The following CLVS1 variants were observed in gnomAD, a reference collection of about 807,000 sequenced individuals.
CLVS1 encodes the protein clavesin 1.
CLVS1 carries 10 observed loss-of-function variants against 33.1 expected under a neutral mutation model. The ratio of observed to expected loss-of-function variants is 0.30; its 90% CI spans 0.19 to 0.51. The LOEUF (loss-of-function observed/expected upper bound fraction) is 0.51, where lower values mean the gene tolerates loss of function less well. CLVS1 is among the 20% of genes least tolerant of loss of function. The pLI is 0.97. For missense variants in CLVS1, 343 were observed against 433.4 expected, an observed-to-expected ratio of 0.79 and a Z score of 1.85; for synonymous variants, 163 against 166.1, an observed-to-expected ratio of 0.98 and a Z score of 0.14.
At chr8:61,080,435 A>G (rs532011517) in intron 1 of CLVS1, among the ~76,000 whole-genome samples, 27 of 152,356 alleles carry the variant, frequency 1.8e-4, no homozygotes, top group African/African-American at 6.5e-4. Flanking sequence ...ATAGATACTG[A>G]CAGAATCCCC....
chr8:61,479,416 C>T (rs150764823), intron 5 of CLVS1, among the ~76,000 whole-genome samples: 2,490 of 152,266 alleles, frequency 0.016, 65 homozygotes, highest in African/African-American at 0.057. Flanking sequence ...GTTCTCGTGC[C>T]TTGGTTTTCA....
intron 2 of CLVS1, among the ~76,000 whole-genome samples, chr8:61,331,807 C>G (rs9298051): frequency 6.4e-5 from 6 of 93,188 alleles, no homozygotes; most frequent in Non-Finnish European, 1.2e-4. Context: ...TTCTTCTTCT[C>G]CTCCTCCTCC....
intron 2 of CLVS1, among the ~76,000 whole-genome samples, chr8:61,367,794 A>G (rs1813273744): frequency 6.6e-6 from 1 of 152,152 alleles, no homozygotes; most frequent in African/African-American, 2.4e-5. Flanking sequence ...CTAAATCCTC[A>G]TTGCCTCCCA....
chr8:61,118,367 T>A (rs1355492087), intron 1 of CLVS1, among the ~76,000 whole-genome samples: 2 of 151,766 alleles, frequency 1.3e-5, no homozygotes, highest in Non-Finnish European at 2.9e-5. Flanking sequence ...TGTGTCTCTA[T>A]TTCCTTCAGT....
At chr8:61,372,129 T>C (rs963934433) in intron 2 of CLVS1, among the ~76,000 whole-genome samples, 2 of 152,316 alleles carry the variant, frequency 1.3e-5, no homozygotes, top group East Asian at 3.9e-4. Flanking sequence ...TTCATTTTGA[T>C]ACAAGTGCTA....
chr8:61,340,313 A>C (rs914121462), intron 2 of CLVS1, among the ~76,000 whole-genome samples: 1 of 152,158 alleles, frequency 6.6e-6, no homozygotes, highest in Non-Finnish European at 1.5e-5. Flanking sequence ...CATCCTGCCT[A>C]ACTGAAATTT....
chr8:61,357,002 G>A (rs1265068235), intron 2 of CLVS1, among the ~76,000 whole-genome samples: 1 of 152,094 alleles, frequency 6.6e-6, no homozygotes, highest in African/African-American at 2.4e-5. Flanking sequence ...AATTACCTTG[G>A]GCAGTATGGC....
chr8:61,004,741 T>C, the CLVS1 span, among the ~76,000 whole-genome samples: 1 of 152,124 alleles, frequency 6.6e-6, no homozygotes, highest in East Asian at 1.9e-4. Context: ...GATGCACCCG[T>C]AACGCACCCT....
In CLVS1 at chr8:61,246,167, C is replaced by CTTTTTTTTTTTTTTT. The variant is rs1188366643; in HGVS notation, c.-151-53495_-151-53481dup. On this transcript the variant is annotated intron_variant, in intron 2 of 2. Coordinates refer to the CLVS1 transcript ENST00000522621. ...AAACCCTTTTTCTCTTCCTTCCCAA[C>CTTTTTTTTTTTTTTT]TTTTTTTTTTTTTTTTTTTTTTTTT... 7.8e-4 allele frequency among the ~76,000 whole-genome samples: 64 copies of CTTTTTTTTTTTTTTT among 82,240 alleles called. 10 individuals are homozygous for CTTTTTTTTTTTTTTT. Among genetic ancestry groups the CTTTTTTTTTTTTTTT allele is most frequent in the Non-Finnish European group, 1.2e-3 (53 of 43,750 alleles). The allele number at this position is 82,240 out of a possible 152,430, so 54.0% of individuals were successfully genotyped here. A position where few individuals can be genotyped will look rare whatever the true frequency, so the allele number is the denominator to read the frequency against.
At chr8:61,014,787 A>G in the CLVS1 span, among the ~76,000 whole-genome samples, 1 of 152,266 alleles carries the variant, frequency 6.6e-6, no homozygotes, top group Non-Finnish European at 1.5e-5. Flanking sequence ...CCTAATTGGA[A>G]GGACACAGCA....
the CLVS1 span, among the ~76,000 whole-genome samples, chr8:60,992,731 G>T: frequency 5.9e-5 from 9 of 152,160 alleles, no homozygotes; most frequent in African/African-American, 1.2e-4. Flanking sequence ...GCTTTTTGAG[G>T]ATTCTAAAAG....
intron 2 of CLVS1, among the ~76,000 whole-genome samples, chr8:61,169,339 C>T (rs979483127): frequency 4.6e-5 from 7 of 152,166 alleles, no homozygotes; most frequent in African/African-American, 1.4e-4. Flanking sequence ...GGGAGAGGCT[C>T]TTTCTAAAAG....
intron 1 of CLVS1, among the ~76,000 whole-genome samples, chr8:61,060,681 T>C (rs1240042170): frequency 3.9e-5 from 6 of 152,210 alleles, no homozygotes; most frequent in Non-Finnish European, 7.3e-5. Context: ...TTTCCATTTA[T>C]TTGAGTTATT....
intron 1 of CLVS1, among the ~76,000 whole-genome samples, chr8:61,081,819 A>T (rs1805024392): frequency 6.6e-6 from 1 of 152,244 alleles, no homozygotes; most frequent in Non-Finnish European, 1.5e-5. Context: ...GTTACAGAAA[A>T]TCACAGCTCA....
chr8:61,089,511 G>A (rs1805190608), intron 1 of CLVS1, among the ~76,000 whole-genome samples: 1 of 152,172 alleles, frequency 6.6e-6, no homozygotes, highest in South Asian at 2.1e-4. Context: ...GTCAGTGGAT[G>A]GGAAGTGAAA....
At chr8:61,044,347 A>G in the CLVS1 span, among the ~76,000 whole-genome samples, 5 of 152,196 alleles carry the variant, frequency 3.3e-5, no homozygotes, top group African/African-American at 1.2e-4. Flanking sequence ...CCAAACACGT[A>G]ATATCAATTG....
rs1389152975 is a variant in CLVS1 at position 61,202,959 on chromosome 8, A to G, written c.-152+71099A>G. 5 of 1,453,916 alleles carry G rather than the reference A, an allele frequency of 3.4e-6. No individual in the cohort carries two copies. In the African/African-American group the frequency reaches 4.2e-5, roughly 12 times the overall value. 90.1% of individuals were successfully genotyped at this position (1,453,916 alleles called of 1,614,324 possible). ...AAGATACTCCAGCCAAAAATGCACAAAAGTCAAATCAGAATGGAAAAGACT... is the reference window on the plus strand; with the variant it reads ...AAGATACTCCAGCCAAAAATGCACAGAAGTCAAATCAGAATGGAAAAGACT... On this transcript the variant is annotated intron_variant, in intron 2 of 2. Transcript: ENST00000522621.
chr8:61,035,064 G>A, the CLVS1 span, among the ~76,000 whole-genome samples: 7 of 152,060 alleles, frequency 4.6e-5, no homozygotes, highest in Non-Finnish European at 8.8e-5. Context: ...CTTATCATAT[G>A]TTTTTTGATA....
rs72657070 is a variant in CLVS1, at chr8:61,471,361, T to A, written c.977+12819T>A. 2.5e-3 allele frequency among the ~76,000 whole-genome samples: 378 copies of A among 152,308 alleles called. 1 individual carries two copies. The highest frequency in any genetic ancestry group is 4.6e-3 in the Non-Finnish European group (313 of 68,026). On this transcript the variant is annotated intron_variant, in intron 5 of 5. Transcript: ENST00000325897. ...AGCGTTGTGTAGAAGGCTTGCCATT[T>A]TGTCACGGTTTTGATTTCTTTCCAA...
Sources: allele counts gnomAD v4.1 joint callset (sites outside exome capture counted in the v4.1 genomes callset), GRCh38; gene constraint gnomAD v4.1.1; transcripts MANE v1.5; gene names NCBI Gene and HGNC (gene_info 2026-07-23, HGNC 2026-07-21).